Variants in DLG2 observed in about 807,000 individuals in gnomAD.
The protein encoded by DLG2 is disks large homolog 2.
In DLG2, 45 loss-of-function variants were observed where a neutral mutation model predicts 132.5. The observed-to-expected ratio is 0.34, with a 90% confidence interval of 0.27 to 0.44. DLG2 has a LOEUF of 0.44. Among genes scored for constraint, DLG2 ranks in the 20% least tolerant of loss-of-function variants. The probability of loss-of-function intolerance (pLI) is 1.00; values close to 1 mark genes in which losing one functional copy is unlikely to be tolerated. For missense variants in DLG2, 1,045 were observed against 1,196.9 expected (o/e 0.87, Z 1.87); for synonymous variants, 424 against 419.6 (o/e 1.01, Z -0.13).
intron 3 of DLG2, among the ~76,000 whole-genome samples, chr11:85,403,182 G>T (rs1005661246): frequency 6.6e-6 from 1 of 152,114 alleles, no homozygotes; most frequent in Non-Finnish European, 1.5e-5. Context: ...ATGAGTTATT[G>T]TCCTTTGCAG....
At chr11:85,627,358 AG>A (rs2082089004), upstream of DLG2, 1 of 152,204 alleles carries the variant, frequency 6.6e-6, no homozygotes, top group Admixed American at 6.5e-5. Context: ...AAAAAAGGAA[AG>A]CAATCCCTTG....
intron 21 of DLG2, among the ~76,000 whole-genome samples, chr11:83,501,068 G>A (rs1472889952): frequency 6.6e-6 from 1 of 152,072 alleles, no homozygotes; most frequent in African/African-American, 2.4e-5. Context: ...TCACTTTACA[G>A]TTATTCTCAC....
intron 16 of DLG2, among the ~76,000 whole-genome samples, chr11:83,860,254 A>G (rs1164727730): frequency 2.0e-5 from 3 of 152,162 alleles, no homozygotes; most frequent in Non-Finnish European, 4.4e-5. Flanking sequence ...GACAGTTTGC[A>G]TTATGCGCCT....
chr11:83,887,262 G>A (rs1366430835), intron 15 of DLG2, among the ~76,000 whole-genome samples: 1 of 151,656 alleles, frequency 6.6e-6, no homozygotes, highest in South Asian at 2.1e-4. Flanking sequence ...AATGATAAAG[G>A]GGATATCACC....
intron 6 of DLG2, among the ~76,000 whole-genome samples, chr11:84,547,596 A>G (rs973744138): frequency 1.3e-5 from 2 of 152,180 alleles, no homozygotes; most frequent in East Asian, 3.9e-4. Flanking sequence ...TTTTTCACAT[A>G]CTGCTCAACC....
intron 8 of DLG2, among the ~76,000 whole-genome samples, chr11:84,170,646 A>G (rs1230012601): frequency 6.6e-6 from 1 of 152,220 alleles, no homozygotes; most frequent in South Asian, 2.1e-4. Context: ...CTATCAAAAC[A>G]GAGACAGCAA....
At chr11:85,140,303 C>T (rs1226968214) in intron 5 of DLG2, among the ~76,000 whole-genome samples, 1 of 151,944 alleles carries the variant, frequency 6.6e-6, no homozygotes, top group Non-Finnish European at 1.5e-5. Context: ...CCCATTTCTC[C>T]ACATCATCAC....
intron 6 of DLG2, among the ~76,000 whole-genome samples, chr11:84,631,528 C>T (rs1285558965): frequency 6.6e-6 from 1 of 151,988 alleles, no homozygotes; most frequent in Non-Finnish European, 1.5e-5. Context: ...ATAAAGTGTC[C>T]TTATAGAGAT....
At chr11:84,528,050 G>A (rs866045868) in intron 7 of DLG2, among the ~76,000 whole-genome samples, 25 of 152,018 alleles carry the variant, frequency 1.6e-4, no homozygotes, top group Admixed American at 2.0e-4. Context: ...AATTAATTAT[G>A]AATCAAGAGA....
chr11:84,983,518 C>G (rs561701077), intron 6 of DLG2, among the ~76,000 whole-genome samples: 1 of 152,244 alleles, frequency 6.6e-6, no homozygotes, highest in Non-Finnish European at 1.5e-5. Context: ...TACACTGTCC[C>G]TCTGACAGAG....
intron 6 of DLG2, among the ~76,000 whole-genome samples, chr11:85,079,027 G>T (rs1389736029): frequency 6.6e-6 from 1 of 151,984 alleles, no homozygotes; most frequent in Admixed American, 6.6e-5. Flanking sequence ...GTTTTAGGGG[G>T]GGGGTCTGAG....
At chr11:84,526,552 A>T (rs1420108436) in intron 7 of DLG2, among the ~76,000 whole-genome samples, 3 of 152,158 alleles carry the variant, frequency 2.0e-5, no homozygotes, top group Admixed American at 6.5e-5. Flanking sequence ...AAAACAGGTG[A>T]GTACACTACA....
intron 6 of DLG2, among the ~76,000 whole-genome samples, chr11:84,769,838 A>C (rs374836869): frequency 6.6e-6 from 1 of 152,208 alleles, no homozygotes; most frequent in African/African-American, 2.4e-5. Context: ...AAAGAAAATA[A>C]ATTCCAACCA....
chr11:85,322,239 T>A (rs1400869127), intron 3 of DLG2, among the ~76,000 whole-genome samples: 2 of 152,086 alleles, frequency 1.3e-5, no homozygotes, highest in Non-Finnish European at 2.9e-5. Flanking sequence ...CATAAGCCCC[T>A]TTCCGTGTAA....
chr11:85,388,421 AC>A (rs2086526795), intron 3 of DLG2, among the ~76,000 whole-genome samples: 1 of 152,130 alleles, frequency 6.6e-6, no homozygotes, highest in African/African-American at 2.4e-5. Context: ...AGCCCTGCCC[AC>A]CACCTGAGAA....
At chr11:84,777,751 T>G (rs2153901198) in intron 6 of DLG2, among the ~76,000 whole-genome samples, 1 of 152,300 alleles carries the variant, frequency 6.6e-6, no homozygotes, top group South Asian at 2.1e-4. Flanking sequence ...GTTGTATGTC[T>G]TCTTTTGAAA....
intron 3 of DLG2, among the ~76,000 whole-genome samples, chr11:85,451,792 C>T (rs2153043523): frequency 6.6e-6 from 1 of 152,264 alleles, no homozygotes; most frequent in African/African-American, 2.4e-5. Flanking sequence ...CCAAGCAATC[C>T]TCTTGCCTCA....
At chr11:84,161,650 C>T (rs935128269) in intron 9 of DLG2, among the ~76,000 whole-genome samples, 2 of 152,036 alleles carry the variant, frequency 1.3e-5, no homozygotes, top group African/African-American at 4.8e-5. Flanking sequence ...AATACCAGGG[C>T]AACTAAATAG....
intron 18 of DLG2, among the ~76,000 whole-genome samples, chr11:83,695,865 C>A (rs892336999): frequency 6.6e-6 from 1 of 152,184 alleles, no homozygotes; most frequent in Non-Finnish European, 1.5e-5. Flanking sequence ...GGAATTGGGA[C>A]AGGCTCCACC....
Sources: allele counts gnomAD v4.1 joint callset (sites outside exome capture counted in the v4.1 genomes callset), GRCh38; gene constraint gnomAD v4.1.1; transcripts MANE v1.5; gene names NCBI Gene and HGNC (gene_info 2026-07-23, HGNC 2026-07-21).